OXSR1: variants seen among roughly 807,000 people sequenced by gnomAD.
OXSR1 encodes serine/threonine-protein kinase OSR1.
OXSR1 carries 24 observed loss-of-function variants against 79.8 expected under a neutral mutation model. The ratio of observed to expected loss-of-function variants is 0.30; its 90% CI spans 0.22 to 0.42. OXSR1 has a LOEUF of 0.42. Among genes scored for constraint, OXSR1 ranks in the 10% least tolerant of loss-of-function variants. The pLI is 1.00. For synonymous variants in OXSR1, 226 were observed against 209.2 expected, an observed-to-expected ratio of 1.08 and a Z score of -0.69; for missense variants, 430 against 618.4, an observed-to-expected ratio of 0.70 and a Z score of 3.23.
chr3:38,176,395 CATT>C (rs1559500116), intron 1 of OXSR1, among the ~76,000 whole-genome samples: 1 of 152,148 alleles, frequency 6.6e-6, no homozygotes, highest in Non-Finnish European at 1.5e-5. Context: ...ATCGTATTTA[CATT>C]ATTAATTGCT....
chr3:38,166,883 A>G (rs1237293005), intron 1 of OXSR1, among the ~76,000 whole-genome samples: 2 of 151,988 alleles, frequency 1.3e-5, no homozygotes, highest in African/African-American at 4.8e-5. Context: ...TAACCTGGAG[A>G]TCTACTTAGG....
intron 1 of OXSR1, among the ~76,000 whole-genome samples, chr3:38,180,688 GC>G (rs913152232): frequency 6.6e-6 from 1 of 151,464 alleles, no homozygotes; most frequent in African/African-American, 2.4e-5. Flanking sequence ...ACACCACCAC[GC>G]CCAGCTAATT....
At position 38,198,878 on chromosome 3, in the gene OXSR1, A is replaced by G. The variant is rs369280444; in HGVS notation, c.434+15A>G. On this transcript the variant is annotated intron_variant, in intron 4 of 17. Coordinates refer to ENST00000311806, the MANE Select transcript of OXSR1 (RefSeq NM_005109.3). ...CAGATCCACAGGTATGTAAAAGACA[A>G]TACTCTTGTGTTACATCATCTCATT... The G allele has an allele frequency of 3.4e-5, 55 of 1,607,834 alleles. No homozygotes were observed. Among genetic ancestry groups the G allele is most frequent in the South Asian group, 4.4e-5 (4 of 90,740 alleles).
At chr3:38,172,671 T>G (rs891954035) in intron 1 of OXSR1, among the ~76,000 whole-genome samples, 1 of 152,190 alleles carries the variant, frequency 6.6e-6, no homozygotes, top group Non-Finnish European at 1.5e-5. Context: ...CTTCGTGCTT[T>G]CAATAGAGTG....
At chr3:38,225,606 A>G (rs566202555) in intron 8 of OXSR1, among the ~76,000 whole-genome samples, 1 of 152,210 alleles carries the variant, frequency 6.6e-6, no homozygotes, top group South Asian at 2.1e-4. Context: ...GTTAAAAAAG[A>G]CAGGAAACAC....
intron 12 of OXSR1, among the ~76,000 whole-genome samples, chr3:38,244,100 A>G (rs1379390228): frequency 1.3e-5 from 2 of 152,156 alleles, no homozygotes; most frequent in Admixed American, 6.6e-5. Flanking sequence ...TGTTACTTCT[A>G]ATTTAACCTA....
intron 12 of OXSR1, among the ~76,000 whole-genome samples, chr3:38,245,233 C>G (rs1703116262): frequency 2.6e-5 from 4 of 152,086 alleles, no homozygotes; most frequent in Admixed American, 2.6e-4. Context: ...TTCAACTTTA[C>G]ATTTTGGCTA....
chr3:38,169,666 G>C (rs1701538481), intron 1 of OXSR1, among the ~76,000 whole-genome samples: 1 of 151,166 alleles, frequency 6.6e-6, no homozygotes. Context: ...TATTCATTCT[G>C]GGTATGCGTC....
At chr3:38,176,092 A>C (rs1414147296) in intron 1 of OXSR1, among the ~76,000 whole-genome samples, 1 of 152,176 alleles carries the variant, frequency 6.6e-6, no homozygotes, top group Non-Finnish European at 1.5e-5. Context: ...TTCCTAACAG[A>C]TACCTTTTAC....
intron 1 of OXSR1, among the ~76,000 whole-genome samples, chr3:38,181,657 A>C (rs1178310182): frequency 6.6e-6 from 1 of 152,042 alleles, no homozygotes; most frequent in African/African-American, 2.4e-5. Flanking sequence ...GCCTGTTTCA[A>C]AAGATTTTGT....
chr3:38,218,474 A>G (rs1352764415), intron 5 of OXSR1, among the ~76,000 whole-genome samples: 1 of 152,130 alleles, frequency 6.6e-6, no homozygotes, highest in East Asian at 1.9e-4. Context: ...TCTTTGGAGA[A>G]ATGACTCCTT....
intron 5 of OXSR1, among the ~76,000 whole-genome samples, chr3:38,217,931 A>C (rs1427360484): frequency 2.0e-5 from 3 of 152,170 alleles, no homozygotes; most frequent in Non-Finnish European, 4.4e-5. Context: ...TTCATGTTGT[A>C]GTGTCAGAAT....
intron 11 of OXSR1, among the ~76,000 whole-genome samples, chr3:38,240,708 A>C (rs1358392162): frequency 2.0e-5 from 3 of 152,128 alleles, no homozygotes; most frequent in Admixed American, 2.0e-4. Flanking sequence ...CTTAAAAAAA[A>C]AAAAAACAAC....
At chr3:38,243,772 C>T (rs1029500516) in intron 12 of OXSR1, among the ~76,000 whole-genome samples, 5 of 152,224 alleles carry the variant, frequency 3.3e-5, no homozygotes, top group African/African-American at 7.2e-5. Flanking sequence ...TGTTCCTTCA[C>T]ATATTAACAG....
At chr3:38,181,627 G>T (rs1324721638) in intron 1 of OXSR1, among the ~76,000 whole-genome samples, 2 of 152,272 alleles carry the variant, frequency 1.3e-5, no homozygotes, top group East Asian at 3.9e-4. Flanking sequence ...TGGGATTACA[G>T]GCGTGAGCCA....
intron 1 of OXSR1, among the ~76,000 whole-genome samples, chr3:38,167,184 A>G (rs564526931): frequency 6.6e-6 from 1 of 152,210 alleles, no homozygotes; most frequent in Admixed American, 6.5e-5. Flanking sequence ...ACGTGATCCG[A>G]TAAATTGGGC....
chr3:38,235,238 A>G (rs1412958523), intron 10 of OXSR1, among the ~76,000 whole-genome samples: 1 of 152,228 alleles, frequency 6.6e-6, no homozygotes, highest in Non-Finnish European at 1.5e-5. Flanking sequence ...GTTGTATGGT[A>G]TATGAATTAT....
chr3:38,234,291 G>A (rs1702873659), intron 10 of OXSR1, among the ~76,000 whole-genome samples: 1 of 152,106 alleles, frequency 6.6e-6, no homozygotes, highest in African/African-American at 2.4e-5. Flanking sequence ...TTCAATAGAC[G>A]CTGGCAAGAA....
chr3:38,211,762 C>G (rs867668955), intron 4 of OXSR1, among the ~76,000 whole-genome samples: 16 of 152,196 alleles, frequency 1.1e-4, no homozygotes, highest in Non-Finnish European at 1.5e-5. Flanking sequence ...GTCTTCTTAC[C>G]TACTGCTCTG....
Sources: gnomAD v4.1 joint callset for allele counts (sites outside exome capture counted in the v4.1 genomes callset) on GRCh38, gnomAD v4.1.1 for gene constraint, MANE v1.5 for transcripts, NCBI Gene and HGNC (gene_info 2026-07-23, HGNC 2026-07-21) for gene names.